Variants in CC2D2A observed in about 807,000 individuals in gnomAD.
CC2D2A encodes the protein coiled-coil and C2 domain-containing protein 2A.
A neutral mutation model predicts 212.9 loss-of-function variants in CC2D2A; 155 were observed. The ratio of observed to expected loss-of-function variants is 0.73; its 90% CI spans 0.64 to 0.83. The LOEUF is 0.83. Among genes scored for constraint, CC2D2A ranks in the 40% least tolerant of loss-of-function variants. The pLI is 0.00. For synonymous variants in CC2D2A, 667 were observed against 686.5 expected (o/e 0.97, Z 0.44); for missense variants, 1,856 against 1,956.2 (o/e 0.95, Z 0.97).
At chr4:15,575,769 T>TA (rs1473568879) in intron 29 of CC2D2A, among the ~76,000 whole-genome samples, 4 of 152,222 alleles carry the variant, frequency 2.6e-5, no homozygotes, top group Admixed American at 2.0e-4. Flanking sequence ...TCATGTATAA[T>TA]ATAAATTCAA....
intron 12 of CC2D2A, 91 bp from the exon 13 acceptor site, chr4:15,528,529 C>T: frequency 1.1e-6 from 1 of 921,188 alleles, no homozygotes; most frequent in South Asian, 1.4e-5. Flanking sequence ...ACTGATGGCA[C>T]CATTTTGCCC....
intron 8 of CC2D2A, 75 bp downstream of exon 8, chr4:15,511,498 A>T (rs1716569386): frequency 1.5e-6 from 2 of 1,357,702 alleles, no homozygotes; most frequent in South Asian, 3.6e-5. Context: ...TGCAAGAAAG[A>T]AAGTGGCTGA....
At chr4:15,535,319 C>T (rs913936365) in intron 14 of CC2D2A, among the ~76,000 whole-genome samples, 9 of 151,958 alleles carry the variant, frequency 5.9e-5, no homozygotes, top group African/African-American at 9.7e-5. Flanking sequence ...CCCTCCATCC[C>T]GCCCATCATC....
Position 15,533,306 on chromosome 4 carries a change from A to G in CC2D2A, c.1580A>G (p.Asn527Ser), listed in dbSNP as rs2109029921. The G allele has an allele frequency of 1.9e-6, 3 of 1,582,910 alleles. No homozygotes were observed. The highest frequency in any genetic ancestry group is 2.6e-6 in the Non-Finnish European group (3 of 1,164,936). The stretch of plus-strand genomic sequence containing the variant: ...CTTCGAGAGTTCCAGAGATTTACAA[A>G]TACTCCCTTGAAACTTGTTTTGAGA... ...KSLREFQRFT[N>S]TPLKLVLRKE... The change falls in exon 14 of 37, where the codon AAT (asparagine) becomes AGT (serine). Residue 527 changes from asparagine to serine, a missense_variant. Physicochemically the swap from Asn to Ser is conservative, Grantham distance 46. Around this residue, in one of 5 missense-constraint regions of CC2D2A, gnomAD observed 1,512 missense variants for 1,579.3 expected, o/e 0.96. Coordinates refer to ENST00000424120, the MANE Select transcript of CC2D2A (RefSeq NM_001378615.1).
Position 15,593,244 on chromosome 4 carries a change from TC to T in CC2D2A, c.4315-2840del, listed in dbSNP as rs781699873. The stretch of plus-strand genomic sequence containing the variant: ...ATGCAGTGCAATTTCCCACTACTTT[TC>T]TGAACATTCCCTACTCTATAGCCAA... On this transcript the variant is annotated intron_variant, in intron 33 of 36. Transcript: ENST00000424120. Among the ~76,000 whole-genome samples the T allele has an allele frequency of 5.4e-4, 82 of 152,330 alleles. 1 individual carries two copies. The Middle Eastern group carries it at 0.01, about 19-fold the overall frequency.
chr4:15,588,743 ACTC>A (rs1720962567), intron 32 of CC2D2A, among the ~76,000 whole-genome samples: 1 of 151,798 alleles, frequency 6.6e-6, no homozygotes, highest in South Asian at 2.1e-4. Flanking sequence ...TTCTGTGCCC[ACTC>A]CTCATTAGCT....
intron 25 of CC2D2A, 76 bp from the exon 26 acceptor site, chr4:15,567,601 A>C: frequency 1.5e-6 from 2 of 1,314,364 alleles, no homozygotes; most frequent in Non-Finnish European, 2.1e-6. Flanking sequence ...CTACTTAGTA[A>C]ATATACTCTA....
rs562686526 is a variant in CC2D2A, at chr4:15,587,900, T to A, written c.4150T>A (p.Trp1384Arg). The A allele has an allele frequency of 6.2e-7, 1 of 1,611,348 alleles. No homozygotes were observed. The highest frequency in any genetic ancestry group is 1.1e-5 in the South Asian group (1 of 90,970). The change falls in exon 32 of 37, where the codon TGG becomes AGG. Residue 1384 changes from tryptophan (W) to arginine (R), a missense_variant. Physicochemically the swap from Trp to Arg is moderately radical, Grantham distance 101 (BLOSUM62 -3). Coordinates refer to ENST00000424120, the MANE Select transcript of CC2D2A (RefSeq NM_001378615.1). ...NYFLSLGKKA[W>R]LLMGNAIPEG... ...CTTTCTGTCTCTGGGTAAGAAGGCC[T>A]GGCTGTTGATGGGCAATGCTATTCC... is the stretch of plus-strand genomic sequence containing the variant.
intron 21 of CC2D2A, among the ~76,000 whole-genome samples, chr4:15,557,709 A>G (rs1348057733): frequency 6.6e-6 from 1 of 152,232 alleles, no homozygotes; most frequent in Non-Finnish European, 1.5e-5. Context: ...ATATAATGAT[A>G]TATAAACTAA....
chr4:15,569,201 A>C, intron 26 of CC2D2A, 92 bp from the exon 27 acceptor site: 1 of 695,802 alleles, frequency 1.4e-6, no homozygotes, highest in Non-Finnish European at 2.6e-6. Flanking sequence ...ATCTATGCTC[A>C]TATTTGGGTA....
At chr4:15,551,980 T>A (rs1451372218) in intron 18 of CC2D2A, among the ~76,000 whole-genome samples, 1 of 152,226 alleles carries the variant, frequency 6.6e-6, no homozygotes, top group Non-Finnish European at 1.5e-5. Context: ...CCTCTTTGCA[T>A]ATCATTTTCC....
At chr4:15,566,899 T>C (rs1719905671) in intron 24 of CC2D2A, among the ~76,000 whole-genome samples, 1 of 152,066 alleles carries the variant, frequency 6.6e-6, no homozygotes. Context: ...CGCTTGAGCC[T>C]GGGAGGTTGA....
intron 3 of CC2D2A, 91 bp downstream of exon 3, chr4:15,478,897 C>T: frequency 9.0e-7 from 1 of 1,111,546 alleles, no homozygotes; most frequent in South Asian, 1.4e-5. Flanking sequence ...ACAAGGGCAG[C>T]CTTCCTTCTT....
chr4:15,512,174 A>C (rs1716604255), intron 8 of CC2D2A, among the ~76,000 whole-genome samples: 1 of 152,230 alleles, frequency 6.6e-6, no homozygotes, highest in Non-Finnish European at 1.5e-5. Flanking sequence ...TTAACCACAG[A>C]TTTACAATAT....
At chr4:15,577,302 G>A (rs1422575602) in intron 29 of CC2D2A, among the ~76,000 whole-genome samples, 2 of 152,122 alleles carry the variant, frequency 1.3e-5, no homozygotes, top group Admixed American at 1.3e-4. Context: ...GGCCAGTGTA[G>A]CTTTTCAAAG....
chr4:15,492,635 G>A, intron 4 of CC2D2A: 2 of 520,216 alleles, frequency 3.8e-6, no homozygotes, highest in Admixed American at 2.4e-5. Context: ...TCAGTGAGGT[G>A]GGGGACTAAG....
rs1453320754 is a variant in CC2D2A at position 15,601,513 on chromosome 4, A to G, written c.*88A>G. On this transcript the variant is annotated 3_prime_UTR_variant, in exon 37 of 37. Transcript: ENST00000424120. ...ATTATATGCATCACATCAGAAGAACATATTATTGGCAAATAATAAAATTAT... is the reference window on the plus strand; with the variant it reads ...ATTATATGCATCACATCAGAAGAACGTATTATTGGCAAATAATAAAATTAT... 8.5e-5 allele frequency: 65 copies of G among 764,026 alleles called. No homozygotes were observed. The highest frequency in any genetic ancestry group is 1.2e-4 in the Non-Finnish European group (62 of 506,218). 47.3% of individuals were successfully genotyped at this position (764,026 alleles called of 1,614,324 possible).
At chr4:15,599,094 G>C (rs183182793) in intron 35 of CC2D2A, among the ~76,000 whole-genome samples, 1 of 152,014 alleles carries the variant, frequency 6.6e-6, no homozygotes, top group African/African-American at 2.4e-5. Flanking sequence ...CCCGAGAGTT[G>C]AGGATGCAGT....
chr4:15,501,905 C>A (rs1715973535), intron 4 of CC2D2A, among the ~76,000 whole-genome samples: 1 of 152,104 alleles, frequency 6.6e-6, no homozygotes, highest in South Asian at 2.1e-4. Flanking sequence ...ATAATATACA[C>A]AAAATGTATA....
Sources: allele counts gnomAD v4.1 joint callset (sites outside exome capture counted in the v4.1 genomes callset), GRCh38; gene constraint gnomAD v4.1.1; regional missense constraint gnomAD v4.1.1; transcripts MANE v1.5; gene names NCBI Gene and HGNC (gene_info 2026-07-23, HGNC 2026-07-21).